Variants in ANKRD13C observed in about 807,000 individuals in gnomAD.
ANKRD13C encodes ankyrin repeat domain-containing protein 13C.
Under a neutral mutation model 65.5 loss-of-function variants are expected in ANKRD13C, and 16 were observed. The ratio of observed to expected loss-of-function variants is 0.24; its 90% confidence interval spans 0.17 to 0.37. The LOEUF is 0.37. Ranked by LOEUF, ANKRD13C falls within the 10% of genes least tolerant of loss-of-function variation. The pLI is 1.00. For missense variants in ANKRD13C, 503 were observed against 655.9 expected (o/e 0.77, Z 2.55); for synonymous variants, 235 against 238.7 (o/e 0.98, Z 0.14).
intron 12 of ANKRD13C, among the ~76,000 whole-genome samples, chr1:70,268,169 C>T (rs966793710): frequency 3.6e-4 from 54 of 151,626 alleles, no homozygotes; most frequent in African/African-American, 1.3e-3. Flanking sequence ...ATACAGCTAG[C>T]TTCCCCGCCC....
intron 12 of ANKRD13C, among the ~76,000 whole-genome samples, chr1:70,265,152 C>T (rs555157342): frequency 3.9e-4 from 60 of 152,130 alleles, no homozygotes; most frequent in African/African-American, 1.4e-3. Flanking sequence ...GGAAAGCCAA[C>T]GGAAGGGTGT....
intron 12 of ANKRD13C, among the ~76,000 whole-genome samples, chr1:70,269,779 G>T (rs1173863822): frequency 1.3e-5 from 2 of 150,510 alleles, no homozygotes; most frequent in African/African-American, 4.9e-5. Flanking sequence ...TTATTTCCAA[G>T]TGTGCAAAAT....
chr1:70,330,574 CAAA>C (rs71071394), intron 2 of ANKRD13C, among the ~76,000 whole-genome samples: 44 of 68,392 alleles, frequency 6.4e-4, no homozygotes, highest in African/African-American at 2.2e-3. Context: ...ACAAACAAAC[CAAA>C]AAAAAAAAAA....
intron 9 of ANKRD13C, 58 bp downstream of exon 9, chr1:70,292,330 T>C: frequency 2.2e-6 from 3 of 1,352,144 alleles, no homozygotes; most frequent in Non-Finnish European, 3.0e-6. Context: ...CCACCAAGAA[T>C]GAAATCTATC....
intron 1 of ANKRD13C, among the ~76,000 whole-genome samples, chr1:70,337,181 AC>A (rs1225435908): frequency 2.7e-5 from 4 of 149,830 alleles, no homozygotes; most frequent in Admixed American, 2.0e-4. Flanking sequence ...ACACACACAC[AC>A]TTTTGCTCAA....
chr1:70,317,467 A>T lies in ANKRD13C; in HGVS notation c.578-1901T>A, dbSNP rs553958122. 4.3e-3 allele frequency among the ~76,000 whole-genome samples: 658 copies of T among 152,184 alleles called. 3 individuals carry two copies. The highest frequency in any genetic ancestry group is 6.0e-3 in the Non-Finnish European group (409 of 67,976). ...TTTTGGTTTCAAATATCTTTTTTTT[A>T]AAAATAAAATGTGGATCACAAAAGA... On this transcript the variant is annotated intron_variant, in intron 3 of 12. Transcript: ENST00000370944.
At chr1:70,290,330 C>T (rs529279088) in intron 9 of ANKRD13C, among the ~76,000 whole-genome samples, 5 of 152,282 alleles carry the variant, frequency 3.3e-5, no homozygotes, top group Admixed American at 3.3e-4. Context: ...CAGGACAATA[C>T]TATAGGGAAA....
intron 2 of ANKRD13C, among the ~76,000 whole-genome samples, chr1:70,329,943 T>C (rs1681710671): frequency 6.6e-6 from 1 of 151,304 alleles, no homozygotes; most frequent in African/African-American, 2.4e-5. Flanking sequence ...ATACAAAAAT[T>C]AGCCAGGGTG....
At chr1:70,281,640 A>T (rs1214627941) in intron 9 of ANKRD13C, among the ~76,000 whole-genome samples, 1 of 151,568 alleles carries the variant, frequency 6.6e-6, no homozygotes, top group Non-Finnish European at 1.5e-5. Flanking sequence ...CCTGAGCTCA[A>T]GCAATCCTCC....
At chr1:70,287,736 A>G (rs1679684463) in intron 9 of ANKRD13C, among the ~76,000 whole-genome samples, 2 of 152,096 alleles carry the variant, frequency 1.3e-5, no homozygotes, top group Non-Finnish European at 2.9e-5. Context: ...GCCAGGCATA[A>G]TGGCTCATGC....
At chr1:70,293,675 T>G in intron 8 of ANKRD13C, 4 of 386,350 alleles carry the variant, frequency 1.0e-5, no homozygotes, top group Non-Finnish European at 1.4e-5. Context: ...ACAAATGGAC[T>G]GCAATGTAGG....
intron 7 of ANKRD13C, among the ~76,000 whole-genome samples, chr1:70,298,206 T>C (rs766791594): frequency 6.6e-6 from 1 of 152,194 alleles, no homozygotes; most frequent in Non-Finnish European, 1.5e-5. Context: ...GAACACTGTA[T>C]AACCCATTGT....
At chr1:70,324,008 G>A (rs1272864775) in intron 3 of ANKRD13C, among the ~76,000 whole-genome samples, 1 of 152,106 alleles carries the variant, frequency 6.6e-6, no homozygotes, top group Non-Finnish European at 1.5e-5. Context: ...TTACAGGCGT[G>A]AGCCACCGTG....
intron 1 of ANKRD13C, among the ~76,000 whole-genome samples, chr1:70,339,811 GTTTATT>G (rs1558312188): frequency 8.0e-6 from 1 of 125,702 alleles, no homozygotes; most frequent in African/African-American, 3.0e-5. Context: ...TGATCAGTAC[GTTTATT>G]ATTATTATTA....
chr1:70,350,788 A>C (rs1682713777), intron 1 of ANKRD13C, among the ~76,000 whole-genome samples: 1 of 152,184 alleles, frequency 6.6e-6, no homozygotes, highest in Non-Finnish European at 1.5e-5. Flanking sequence ...TATAGCTTTG[A>C]GATTTATACT....
Position 70,259,726 on chromosome 1 carries a change from G to A in ANKRD13C, c.*2991C>T, listed in dbSNP as rs1190038445. 6.6e-6 allele frequency among the ~76,000 whole-genome samples: 1 copy of A among 152,080 alleles called. No homozygotes were observed. Among genetic ancestry groups the A allele is most frequent in the Non-Finnish European group, 1.5e-5 (1 of 68,008 alleles). On this transcript the variant is annotated 3_prime_UTR_variant, in exon 13 of 13. Transcript: ENST00000370944. ...TACCTCCTGTCCATTTCTCTAGTGGGGGCAAGTTTTACACCAGTTGCTTTT... is the reference window on the plus strand; with the variant it reads ...TACCTCCTGTCCATTTCTCTAGTGGAGGCAAGTTTTACACCAGTTGCTTTT...
intron 5 of ANKRD13C, among the ~76,000 whole-genome samples, chr1:70,308,953 C>T (rs1470937017): frequency 6.6e-6 from 1 of 151,968 alleles, no homozygotes; most frequent in Non-Finnish European, 1.5e-5. Flanking sequence ...AGTATTCCAA[C>T]AGTAGCATAA....
intron 7 of ANKRD13C, among the ~76,000 whole-genome samples, chr1:70,296,738 T>G (rs1450220830): frequency 6.6e-6 from 1 of 151,966 alleles, no homozygotes; most frequent in Non-Finnish European, 1.5e-5. Context: ...CCCAATAAAT[T>G]GTAAGTGGAA....
chr1:70,287,138 C>A (rs1038905774), intron 9 of ANKRD13C, among the ~76,000 whole-genome samples: 1 of 151,730 alleles, frequency 6.6e-6, no homozygotes, highest in African/African-American at 2.4e-5. Flanking sequence ...AAAATTTACA[C>A]GATAAATTTA....
Sources: allele counts gnomAD v4.1 joint callset (sites outside exome capture counted in the v4.1 genomes callset), GRCh38; gene constraint gnomAD v4.1.1; transcripts MANE v1.5; gene names NCBI Gene and HGNC (gene_info 2026-07-23, HGNC 2026-07-21).